AFG2A: variants seen among roughly 807,000 people sequenced by gnomAD.
The protein encoded by AFG2A is ATPase family gene 2 protein homolog A.
chr4:122,973,924 C>T, the AFG2A span, among the ~76,000 whole-genome samples: 102 of 152,234 alleles, frequency 6.7e-4, 1 homozygote, highest in East Asian at 0.016. Context: ...GCTCTCCGCC[C>T]GTCTCAGCCT....
the AFG2A span, chr4:122,938,112 T>A: frequency 6.3e-7 from 1 of 1,579,390 alleles, no homozygotes; most frequent in Non-Finnish European, 8.6e-7. Flanking sequence ...TTCATTTTAC[T>A]TGTTTGTTTT....
At chr4:123,011,073 C>A in the AFG2A span, among the ~76,000 whole-genome samples, 14 of 152,230 alleles carry the variant, frequency 9.2e-5, no homozygotes, top group Admixed American at 3.3e-4. Context: ...CAAACCAAAA[C>A]ATCAGTAACA....
the AFG2A span, among the ~76,000 whole-genome samples, chr4:123,037,602 C>T: frequency 6.6e-6 from 1 of 151,900 alleles, no homozygotes; most frequent in African/African-American, 2.4e-5. Flanking sequence ...TATAAATGGT[C>T]TCTTGTTTAT....
chr4:123,234,957 G>T, the AFG2A span, among the ~76,000 whole-genome samples: 3 of 152,098 alleles, frequency 2.0e-5, no homozygotes, highest in Admixed American at 2.0e-4. Context: ...GGAGTTTTAT[G>T]TAAACTCATT....
At chr4:123,190,925 A>G in the AFG2A span, among the ~76,000 whole-genome samples, 1 of 152,136 alleles carries the variant, frequency 6.6e-6, no homozygotes, top group Non-Finnish European at 1.5e-5. Flanking sequence ...GTTACCTGAA[A>G]ATTGCCTGGA....
At chr4:122,987,479 G>A in the AFG2A span, among the ~76,000 whole-genome samples, 1 of 151,604 alleles carries the variant, frequency 6.6e-6, no homozygotes, top group Non-Finnish European at 1.5e-5. Flanking sequence ...CTGTTTTGTA[G>A]TACCTTTGTT....
the AFG2A span, among the ~76,000 whole-genome samples, chr4:122,948,541 A>G: frequency 1.3e-5 from 2 of 151,948 alleles, no homozygotes; most frequent in African/African-American, 4.8e-5. Flanking sequence ...GAGAATCACA[A>G]TTTTCCTTAA....
chr4:123,021,052 C>T, the AFG2A span, among the ~76,000 whole-genome samples: 2 of 152,090 alleles, frequency 1.3e-5, no homozygotes, highest in African/African-American at 4.8e-5. Flanking sequence ...AAGCTGAAAA[C>T]AGCTTTTCAC....
chr4:123,069,134 G>A, the AFG2A span, among the ~76,000 whole-genome samples: 6 of 152,136 alleles, frequency 3.9e-5, no homozygotes, highest in Non-Finnish European at 8.8e-5. Flanking sequence ...GTTAGCAGCC[G>A]TAATTAAAGG....
the AFG2A span, among the ~76,000 whole-genome samples, chr4:123,072,567 T>G: frequency 6.6e-6 from 1 of 152,204 alleles, no homozygotes; most frequent in Non-Finnish European, 1.5e-5. Context: ...CAAGAAACCT[T>G]AAGAAATCCT....
At chr4:123,201,763 A>C in the AFG2A span, among the ~76,000 whole-genome samples, 1 of 152,132 alleles carries the variant, frequency 6.6e-6, no homozygotes, top group African/African-American at 2.4e-5. Flanking sequence ...TACTAAAAAT[A>C]CAAAAAAATT....
chr4:123,169,654 TA>T, the AFG2A span, among the ~76,000 whole-genome samples: 2 of 152,192 alleles, frequency 1.3e-5, no homozygotes, highest in African/African-American at 4.8e-5. Context: ...AATTTTTTTG[TA>T]TTTTTAATAG....
chr4:123,115,126 A>C, the AFG2A span, among the ~76,000 whole-genome samples: 1 of 151,818 alleles, frequency 6.6e-6, no homozygotes, highest in East Asian at 2.0e-4. Context: ...GCTCCAGGCC[A>C]TCGCTGGGCT....
At chr4:123,056,316 C>T in the AFG2A span, 1 of 1,412,816 alleles carries the variant, frequency 7.1e-7, no homozygotes, top group South Asian at 1.4e-5. Context: ...TATATTTTTT[C>T]TACTTCATTG....
the AFG2A span, among the ~76,000 whole-genome samples, chr4:123,232,220 G>A: frequency 2.0e-5 from 3 of 151,972 alleles, no homozygotes; most frequent in Admixed American, 6.6e-5. Flanking sequence ...GATATCTAAA[G>A]TCAAAGAATG....
At chr4:123,199,128 C>G in the AFG2A span, among the ~76,000 whole-genome samples, 1 of 152,078 alleles carries the variant, frequency 6.6e-6, no homozygotes, top group South Asian at 2.1e-4. Flanking sequence ...GCAGACTCCT[C>G]CACATCAGAG....
At chr4:123,125,892 T>C in the AFG2A span, among the ~76,000 whole-genome samples, 1 of 152,218 alleles carries the variant, frequency 6.6e-6, no homozygotes, top group Non-Finnish European at 1.5e-5. Flanking sequence ...ATTTCCTTTA[T>C]TACTGCCATT....
the AFG2A span, among the ~76,000 whole-genome samples, chr4:123,161,947 A>G: frequency 2.6e-5 from 4 of 152,184 alleles, no homozygotes; most frequent in Non-Finnish European, 2.9e-5. Context: ...AGGCAAGTCC[A>G]AAGGAGAGTA....
chr4:123,009,348 T>C, the AFG2A span, among the ~76,000 whole-genome samples: 1 of 152,190 alleles, frequency 6.6e-6, no homozygotes, highest in Non-Finnish European at 1.5e-5. Flanking sequence ...ATTCCAGTAC[T>C]TCCCAGGGCA....
Sources: allele counts gnomAD v4.1 joint callset (sites outside exome capture counted in the v4.1 genomes callset), GRCh38; gene constraint gnomAD v4.1.1; transcripts MANE v1.5; gene names NCBI Gene and HGNC (gene_info 2026-07-23, HGNC 2026-07-21).